The following MATR3 variants were observed in gnomAD, a reference collection of about 807,000 sequenced individuals.
The protein encoded by MATR3 is matrin-3.
In MATR3, 4 loss-of-function variants were observed where a neutral mutation model predicts 85.5. The ratio of observed to expected loss-of-function variants is 0.05; its 90% CI spans 0.02 to 0.11. The LOEUF (loss-of-function observed/expected upper bound fraction) is 0.11. Ranked by LOEUF, MATR3 falls within the 10% of genes least tolerant of loss-of-function variation. The probability of loss-of-function intolerance (pLI) is 1.00; values close to 1 mark genes in which losing one functional copy is unlikely to be tolerated. For missense variants in MATR3, 685 were observed against 1,016.1 expected (o/e 0.67, Z 4.43); for synonymous variants, 336 against 343.1 (o/e 0.98, Z 0.23).
chr5:139,307,498 T>G lies in MATR3; in HGVS notation c.83T>G (p.Leu28Arg). ...GACCTGTCTGCGGCAGGAATAGGCC[T>G]TCTTGCTGCTGCTACCCAGTCTTTA... Reference protein sequence around the residue: ...GRDLSAAGIGLLAAATQSLSM... With the variant: ...GRDLSAAGIGRLAAATQSLSM... The change falls in exon 2 of 15, where the codon CTT becomes CGT. Residue 28 changes from leucine to arginine, a missense_variant. By Grantham distance (102) the Leu-to-Arg change is moderately radical. This residue lies in a region of MATR3 where 30 missense variants were observed against 69.5 expected (regional missense o/e 0.43). Coordinates refer to ENST00000394805, the MANE Select transcript of MATR3 (RefSeq NM_018834.6). The surrounding 1 kb of genome is among the most constrained non-coding windows in gnomAD (Gnocchi z 4.4). 6.2e-7 allele frequency: 1 copy of G among 1,614,152 alleles called. No homozygotes were observed. The highest frequency in any genetic ancestry group is 8.5e-7 in the Non-Finnish European group (1 of 1,180,008).
intron 3 of MATR3, among the ~76,000 whole-genome samples, chr5:139,281,885 TAA>T: frequency 6.6e-6 from 1 of 152,280 alleles, no homozygotes; most frequent in East Asian, 1.9e-4. Flanking sequence ...TTGAATTTTT[TAA>T]AAAATGAGGG....
intron 1 of MATR3, among the ~76,000 whole-genome samples, chr5:139,296,033 A>AGGCT (rs1436303894): frequency 1.3e-5 from 2 of 152,182 alleles, no homozygotes; most frequent in Non-Finnish European, 2.9e-5. Context: ...AATATGGCCC[A>AGGCT]GGCTGGTGTT....
chr5:139,313,271 G>T (rs1457380471), intron 2 of MATR3: 1 of 150,522 alleles, frequency 6.6e-6, no homozygotes, highest in Non-Finnish European at 1.5e-5. Context: ...ATCAATAATA[G>T]TTGTAAAGCA....
At chr5:139,313,517 C>T (rs937641237) in intron 2 of MATR3, 25 of 152,072 alleles carry the variant, frequency 1.6e-4, no homozygotes, top group Admixed American at 4.6e-4. Context: ...AATAGCAGAG[C>T]CCACTTTTTG....
chr5:139,320,796 G>C lies in MATR3; in HGVS notation c.1603-1102G>C, dbSNP rs576441058. ...AGAGTCTCGCTCTGTCACCCCGGCT[G>C]TAGTGCAGTGGTGCAATCTCAGCTT... On this transcript the variant is annotated intron_variant, in intron 9 of 14. Transcript: ENST00000394805. Among the ~76,000 whole-genome samples, 3 of 120,736 alleles carry C rather than the reference G, an allele frequency of 2.5e-5. No individual in the cohort carries two copies. The South Asian group carries it at 7.4e-4, about 30-fold the overall frequency. The allele number at this position is 120,736 out of a possible 152,430, so 79.2% of individuals were successfully genotyped here. A position where few individuals can be genotyped will look rare whatever the true frequency, so the allele number is the denominator to read the frequency against.
At chr5:139,279,249 G>GA (rs1172731431) in intron 3 of MATR3, 2 of 438,328 alleles carry the variant, frequency 4.6e-6, no homozygotes, top group Non-Finnish European at 9.2e-6. Flanking sequence ...TTTGGGGGGG[G>GA]ACGGAGTCTT....
intron 9 of MATR3, 98 bp from the exon 10 acceptor site, chr5:139,321,800 A>T: frequency 8.0e-7 from 1 of 1,252,374 alleles, no homozygotes; most frequent in African/African-American, 1.5e-5. Flanking sequence ...AAAAAAAGTA[A>T]TGAAAATTTT....
At chr5:139,306,047 A>G (rs1754689963) in intron 1 of MATR3, among the ~76,000 whole-genome samples, 1 of 152,176 alleles carries the variant, frequency 6.6e-6, no homozygotes, top group East Asian at 1.9e-4. Context: ...AAAAATAGAA[A>G]ATTTAAGCAA....
intron 7 of MATR3, 135 bp from the exon 8 acceptor site, chr5:139,318,773 A>G (rs911375967): frequency 1.2e-6 from 1 of 841,818 alleles, no homozygotes; most frequent in South Asian, 1.6e-5. Context: ...GATTCTTGAA[A>G]GTATTTTCTA....
chr5:139,326,661 G>A lies in MATR3; in HGVS notation c.2493+377G>A, dbSNP rs577807508. On this transcript the variant is annotated intron_variant, in intron 14 of 14. Coordinates refer to ENST00000394805, the MANE Select transcript of MATR3 (RefSeq NM_018834.6). ...GCTGGTCTTGAACTCCTGACCTCAG[G>A]TGATCCACCCACCTCAGCCTCCCAA... 5.7e-4 allele frequency among the ~76,000 whole-genome samples: 87 copies of A among 152,238 alleles called. 1 individual carries two copies. In the Middle Eastern group the frequency reaches 0.017, roughly 30 times the overall value.
intron 1 of MATR3, among the ~76,000 whole-genome samples, chr5:139,301,427 C>G (rs1754434517): frequency 6.6e-6 from 1 of 152,192 alleles, no homozygotes; most frequent in South Asian, 2.1e-4. Flanking sequence ...TCAAGAGATT[C>G]TCCTGCCTCA....
chr5:139,330,315 T>C lies in MATR3; in HGVS notation c.*920T>C, dbSNP rs1342450677. 4.4e-6 allele frequency: 2 copies of C among 453,878 alleles called. No homozygotes were observed. The highest frequency in any genetic ancestry group is 8.8e-6 in the Non-Finnish European group (2 of 226,592). 28.1% of individuals were successfully genotyped at this position (453,878 alleles called of 1,614,324 possible). On this transcript the variant is annotated 3_prime_UTR_variant, in exon 15 of 15. Coordinates refer to ENST00000394805, the MANE Select transcript of MATR3 (RefSeq NM_018834.6). ...AACAGAAATTTGCATGTATAATTTG[T>C]GTTTACTTGTAACTTTCTGGTTATA... is the stretch of plus-strand genomic sequence containing the variant.
chr5:139,314,545 T>C (rs1419687037), intron 2 of MATR3, 130 bp from the exon 3 acceptor site: 1 of 726,962 alleles, frequency 1.4e-6, no homozygotes, highest in African/African-American at 1.8e-5. Flanking sequence ...ATCAATGTGA[T>C]TTAGTGAATG....
upstream of MATR3, among the ~76,000 whole-genome samples, chr5:139,292,740 G>C (rs868445390): frequency 1.3e-5 from 2 of 152,128 alleles, no homozygotes; most frequent in South Asian, 4.1e-4. Flanking sequence ...GAGATCGAGA[G>C]CATCCTGGCT....
rs187221377 is a variant in MATR3, at chr5:139,316,029, A to G, written c.1017-47A>G. The G allele has an allele frequency of 2.3e-4, 305 of 1,348,032 alleles. No homozygotes were observed. In the African/African-American group the frequency reaches 3.9e-3, roughly 17 times the overall value. 83.5% of individuals were successfully genotyped at this position (1,348,032 alleles called of 1,614,324 possible). On this transcript the variant is annotated intron_variant, in intron 4 of 14. Coordinates refer to ENST00000394805, the MANE Select transcript of MATR3 (RefSeq NM_018834.6). Reference sequence around the variant, plus strand: ...TAACATTTAATCTTAATTCTTTCCAATGGACCTCTTTATTATGATTTATAT... The same window carrying G: ...TAACATTTAATCTTAATTCTTTCCAGTGGACCTCTTTATTATGATTTATAT...
intron 2 of MATR3, among the ~76,000 whole-genome samples, chr5:139,277,457 T>C (rs993784361): frequency 2.0e-5 from 3 of 152,196 alleles, no homozygotes; most frequent in East Asian, 3.8e-4. Flanking sequence ...ATTCCCTTAA[T>C]AGGATTCTCT....
At chr5:139,284,687 G>A (rs1286438645) in intron 3 of MATR3, among the ~76,000 whole-genome samples, 1 of 152,016 alleles carries the variant, frequency 6.6e-6, no homozygotes, top group Non-Finnish European at 1.5e-5. Context: ...CACATGTGTA[G>A]GCTTTTGTTA....
At chr5:139,293,183 A>G (rs955347605), upstream of MATR3, 3 of 152,146 alleles carry the variant, frequency 2.0e-5, no homozygotes, top group African/African-American at 7.2e-5. Context: ...TCCCTTGAGG[A>G]TAGGAGTTCG....
chr5:139,318,887 T>C, intron 7 of MATR3, 21 bp from the exon 8 acceptor site: 1 of 1,613,082 alleles, frequency 6.2e-7, no homozygotes, highest in Non-Finnish European at 8.5e-7. Flanking sequence ...AACAGAGAAA[T>C]AACTTTTTGT....
Sources: gnomAD v4.1 joint callset for allele counts (sites outside exome capture counted in the v4.1 genomes callset) on GRCh38, gnomAD v4.1.1 for gene constraint, gnomAD v4.1.1 regional missense constraint, Gnocchi (gnomAD v3.1) non-coding constraint, MANE v1.5 for transcripts, NCBI Gene and HGNC (gene_info 2026-07-23, HGNC 2026-07-21) for gene names.